Variants in AGBL4 observed in about 807,000 individuals in gnomAD.
The protein encoded by AGBL4 is cytosolic carboxypeptidase 6.
AGBL4 carries 58 observed loss-of-function variants against 66.4 expected under a neutral mutation model. The ratio of observed to expected loss-of-function variants is 0.87; its 90% CI spans 0.71 to 1.09. The LOEUF (loss-of-function observed/expected upper bound fraction) is 1.09, where lower values mean the gene tolerates loss of function less well. Ranked by LOEUF, AGBL4 falls within the 50% of genes least tolerant of loss-of-function variation. AGBL4 has a pLI of 0.00. For missense variants in AGBL4, 579 were observed against 631.0 expected, an observed-to-expected ratio of 0.92 and a Z score of 0.88; for synonymous variants, 234 against 222.9, an observed-to-expected ratio of 1.05 and a Z score of -0.44.
chr1:50,018,415 C>G (rs1662155139), intron 1 of AGBL4, among the ~76,000 whole-genome samples: 1 of 152,034 alleles, frequency 6.6e-6, no homozygotes, highest in African/African-American at 2.4e-5. Flanking sequence ...AGCTTTTAAA[C>G]TTGCAATAAT....
intron 5 of AGBL4, among the ~76,000 whole-genome samples, chr1:49,012,329 AGG>A (rs1265587798): frequency 6.6e-6 from 1 of 152,186 alleles, no homozygotes; most frequent in Non-Finnish European, 1.5e-5. Flanking sequence ...AGAGACAGAG[AGG>A]GAGAAGAAAG....
At chr1:48,916,529 C>T (rs1053546273) in intron 5 of AGBL4, among the ~76,000 whole-genome samples, 1 of 151,180 alleles carries the variant, frequency 6.6e-6, no homozygotes, top group African/African-American at 2.4e-5. Context: ...CCTGTAGTTC[C>T]GTTTTTTGTG....
intron 6 of AGBL4, among the ~76,000 whole-genome samples, chr1:48,836,735 G>A (rs1646683112): frequency 6.6e-6 from 1 of 151,992 alleles, no homozygotes; most frequent in Non-Finnish European, 1.5e-5. Context: ...TGTCTCATCT[G>A]ACAAAACAAC....
chr1:49,633,390 G>T (rs116106611), intron 3 of AGBL4, among the ~76,000 whole-genome samples: 4 of 152,166 alleles, frequency 2.6e-5, no homozygotes, highest in Admixed American at 2.6e-4. Flanking sequence ...AGGAAGATTT[G>T]TTAAAATATG....
At chr1:49,504,803 C>T (rs1157066598) in intron 3 of AGBL4, among the ~76,000 whole-genome samples, 3 of 151,924 alleles carry the variant, frequency 2.0e-5, no homozygotes, top group African/African-American at 7.2e-5. Flanking sequence ...TTCCAGCATG[C>T]TATGGCTTTT....
intron 4 of AGBL4, among the ~76,000 whole-genome samples, chr1:49,130,077 T>C (rs1275397831): frequency 1.3e-5 from 2 of 152,102 alleles, no homozygotes; most frequent in African/African-American, 4.8e-5. Flanking sequence ...ATGGTGAGCA[T>C]TTTTTCATGT....
chr1:49,674,065 A>G (rs768868921), intron 3 of AGBL4, among the ~76,000 whole-genome samples: 3 of 152,142 alleles, frequency 2.0e-5, no homozygotes, highest in Non-Finnish European at 2.9e-5. Context: ...GTGTGTACCC[A>G]AGACTATTTC....
intron 5 of AGBL4, among the ~76,000 whole-genome samples, chr1:48,988,907 C>T (rs1048870687): frequency 6.6e-6 from 1 of 152,146 alleles, no homozygotes; most frequent in African/African-American, 2.4e-5. Context: ...GTGATTCTGC[C>T]TTTCATTGTG....
At chr1:48,992,933 C>T (rs1660722317) in intron 5 of AGBL4, among the ~76,000 whole-genome samples, 1 of 152,128 alleles carries the variant, frequency 6.6e-6, no homozygotes, top group African/African-American at 2.4e-5. Context: ...AGAGCCATGG[C>T]CTGGAATTCG....
chr1:48,715,899 T>A (rs944205018), intron 6 of AGBL4, among the ~76,000 whole-genome samples: 2 of 152,182 alleles, frequency 1.3e-5, no homozygotes, highest in Admixed American at 6.5e-5. Context: ...GAGGCAGGTA[T>A]GCTTTTGATT....
chr1:49,913,243 G>A (rs1215477951), intron 1 of AGBL4, among the ~76,000 whole-genome samples: 2 of 152,126 alleles, frequency 1.3e-5, no homozygotes, highest in East Asian at 1.9e-4. Context: ...CTGTCAAATC[G>A]AAGCAAGTTA....
chr1:48,988,166 C>T (rs1271683891), intron 5 of AGBL4, among the ~76,000 whole-genome samples: 2 of 152,042 alleles, frequency 1.3e-5, no homozygotes, highest in Non-Finnish European at 1.5e-5. Flanking sequence ...CTACCTCTAC[C>T]GTTCTAAAAA....
At chr1:48,597,334 C>T (rs1045139346) in intron 9 of AGBL4, among the ~76,000 whole-genome samples, 2 of 152,202 alleles carry the variant, frequency 1.3e-5, no homozygotes, top group African/African-American at 4.8e-5. Context: ...AAGATTCCTG[C>T]CTTTAAGTAG....
intron 9 of AGBL4, among the ~76,000 whole-genome samples, chr1:48,595,410 C>A (rs563070852): frequency 6.6e-6 from 1 of 151,338 alleles, no homozygotes; most frequent in Non-Finnish European, 1.5e-5. Context: ...ACAAATGCAT[C>A]TTAAGTTGTT....
At chr1:49,534,336 T>C (rs773289342) in intron 3 of AGBL4, among the ~76,000 whole-genome samples, 7 of 152,102 alleles carry the variant, frequency 4.6e-5, no homozygotes, top group Non-Finnish European at 8.8e-5. Flanking sequence ...AGAAAAAATA[T>C]ATCAACCATT....
chr1:49,173,536 A>G (rs1054962122), intron 4 of AGBL4, among the ~76,000 whole-genome samples: 2 of 152,252 alleles, frequency 1.3e-5, no homozygotes, highest in Non-Finnish European at 2.9e-5. Flanking sequence ...TCTAGTTGGT[A>G]GGAATACAGA....
intron 9 of AGBL4, among the ~76,000 whole-genome samples, chr1:48,622,674 T>C (rs1395530129): frequency 6.6e-6 from 1 of 151,750 alleles, no homozygotes; most frequent in African/African-American, 2.4e-5. Context: ...AGTAGAGATG[T>C]GGTTTCACCA....
chr1:49,960,781 A>G (rs993607742), intron 1 of AGBL4, among the ~76,000 whole-genome samples: 1 of 152,096 alleles, frequency 6.6e-6, no homozygotes, highest in Non-Finnish European at 1.5e-5. Flanking sequence ...TCAGAAAAGG[A>G]AAGTAATTTT....
chr1:49,544,388 C>T (rs987075299), intron 3 of AGBL4, among the ~76,000 whole-genome samples: 2 of 152,096 alleles, frequency 1.3e-5, no homozygotes, highest in African/African-American at 4.8e-5. Flanking sequence ...TATTTTACTA[C>T]CATTAGCATG....
Sources: gnomAD v4.1 joint callset for allele counts (sites outside exome capture counted in the v4.1 genomes callset) on GRCh38, gnomAD v4.1.1 for gene constraint, MANE v1.5 for transcripts, NCBI Gene and HGNC (gene_info 2026-07-23, HGNC 2026-07-21) for gene names.